Variants in EPHA5 observed in about 807,000 individuals in gnomAD.
EPHA5 encodes the protein ephrin type-A receptor 5.
A neutral mutation model predicts 105.0 loss-of-function variants in EPHA5; 60 were observed. The ratio of observed to expected loss-of-function variants is 0.57; its 90% CI spans 0.46 to 0.71. EPHA5 has a LOEUF of 0.71. Among genes scored for constraint, EPHA5 ranks in the 30% least tolerant of loss-of-function variants. EPHA5 has a pLI of 0.00. For synonymous variants in EPHA5, 513 were observed against 449.1 expected, an observed-to-expected ratio of 1.14 and a Z score of -1.80; for missense variants, 1,218 against 1,274.7, an observed-to-expected ratio of 0.96 and a Z score of 0.68.
intron 3 of EPHA5, among the ~76,000 whole-genome samples, chr4:65,527,269 G>A (rs1000101781): frequency 1.3e-5 from 2 of 152,024 alleles, no homozygotes; most frequent in Non-Finnish European, 2.9e-5. Flanking sequence ...ATACTACATT[G>A]CAATGAAATT....
intron 5 of EPHA5, among the ~76,000 whole-genome samples, chr4:65,466,419 CCTGTAGGACTATGTCTCCCATT>C (rs1328939052): frequency 6.6e-6 from 1 of 152,166 alleles, no homozygotes; most frequent in East Asian, 1.9e-4. Context: ...AGTTCCAGAA[CCTGTAGGACTATGTCTCCCATT>C]CTGAGTAAGA....
At position 65,463,428 on chromosome 4, in the gene EPHA5, G is replaced by T. The variant is rs1041848271; in HGVS notation, c.1402+26949C>A. On this transcript the variant is annotated intron_variant, in intron 5 of 16. Transcript: ENST00000613740. Reference sequence around the variant, plus strand: ...GTTCCAGTCATGTGTTTTAGAAAATGATTCTACAAAAGTTATGAGAAAGAT... The same window carrying T: ...GTTCCAGTCATGTGTTTTAGAAAATTATTCTACAAAAGTTATGAGAAAGAT... 2.0e-5 allele frequency among the ~76,000 whole-genome samples: 3 copies of T among 152,102 alleles called. No individual in the cohort carries two copies. In the East Asian group the frequency reaches 5.8e-4, roughly 29 times the overall value.
At chr4:65,632,611 A>G (rs979132759) in intron 2 of EPHA5, among the ~76,000 whole-genome samples, 3 of 151,694 alleles carry the variant, frequency 2.0e-5, no homozygotes, top group Non-Finnish European at 2.9e-5. Flanking sequence ...ATACCTGATT[A>G]TCAATCAGTA....
At chr4:65,461,464 A>G (rs1560562148) in intron 5 of EPHA5, among the ~76,000 whole-genome samples, 1 of 152,178 alleles carries the variant, frequency 6.6e-6, no homozygotes, top group East Asian at 1.9e-4. Context: ...CATATTTTCG[A>G]TATACAAATT....
intron 5 of EPHA5, among the ~76,000 whole-genome samples, chr4:65,488,222 A>ACATCAT (rs1731066070): frequency 1.3e-5 from 2 of 152,204 alleles, no homozygotes; most frequent in African/African-American, 4.8e-5. Flanking sequence ...AAAGACAACT[A>ACATCAT]TAGCAAATAT....
intron 3 of EPHA5, among the ~76,000 whole-genome samples, chr4:65,558,698 C>G (rs1293374447): frequency 1.3e-5 from 2 of 152,044 alleles, no homozygotes; most frequent in African/African-American, 2.4e-5. Context: ...CTCCTCCCCG[C>G]ACCCCACAAC....
intron 7 of EPHA5, among the ~76,000 whole-genome samples, chr4:65,407,875 C>A (rs1225648824): frequency 2.0e-5 from 3 of 151,938 alleles, no homozygotes; most frequent in Non-Finnish European, 2.9e-5. Context: ...CCCACCTCAA[C>A]CTTCCGAGTA....
intron 3 of EPHA5, among the ~76,000 whole-genome samples, chr4:65,546,007 A>G (rs1737335554): frequency 6.6e-6 from 1 of 151,992 alleles, no homozygotes; most frequent in African/African-American, 2.4e-5. Context: ...GGTCTCCATC[A>G]CAACTACTCG....
At chr4:65,375,121 T>C (rs1197745775) in intron 8 of EPHA5, among the ~76,000 whole-genome samples, 1 of 151,880 alleles carries the variant, frequency 6.6e-6, no homozygotes, top group Non-Finnish European at 1.5e-5. Flanking sequence ...TGGAGAACTT[T>C]TTTATTGTTT....
intron 8 of EPHA5, among the ~76,000 whole-genome samples, chr4:65,368,683 C>T (rs567249311): frequency 2.6e-5 from 4 of 152,238 alleles, no homozygotes; most frequent in African/African-American, 7.2e-5. Context: ...ATATAAGATG[C>T]TTTTCTATTG....
intron 5 of EPHA5, among the ~76,000 whole-genome samples, chr4:65,476,154 G>GTGTGTGTGTT (rs1729795659): frequency 6.6e-6 from 1 of 151,934 alleles, no homozygotes; most frequent in African/African-American, 2.4e-5. Context: ...GTGTGTGTGT[G>GTGTGTGTGTT]TGTGTTAAAA....
At position 65,520,216 on chromosome 4, in the gene EPHA5, T is replaced by A. The variant is rs184249410; in HGVS notation, c.911-24673A>T. 2.6e-3 allele frequency among the ~76,000 whole-genome samples: 391 copies of A among 152,108 alleles called. 1 individual carries two copies. Among genetic ancestry groups the A allele is most frequent in the African/African-American group, 9.1e-3 (377 of 41,500 alleles). ...TGGAACAAAACAGAGCCCTCAGAAA[T>A]AATACCACACATCTACAACCATCTG... On this transcript the variant is annotated intron_variant, in intron 3 of 16. Coordinates refer to ENST00000613740, the MANE Select transcript of EPHA5 (RefSeq NM_001281766.3).
chr4:65,505,501 G>T (rs559132325), intron 3 of EPHA5, among the ~76,000 whole-genome samples: 1 of 152,094 alleles, frequency 6.6e-6, no homozygotes, highest in African/African-American at 2.4e-5. Context: ...TAAATTAAAT[G>T]ACTTTTAAAT....
At chr4:65,545,568 T>A (rs1737292718) in intron 3 of EPHA5, among the ~76,000 whole-genome samples, 1 of 151,760 alleles carries the variant, frequency 6.6e-6, no homozygotes, top group Non-Finnish European at 1.5e-5. Flanking sequence ...ACTAGTACAA[T>A]GAATTGACAT....
intron 11 of EPHA5, among the ~76,000 whole-genome samples, chr4:65,360,108 T>G (rs1717131065): frequency 6.6e-6 from 1 of 151,634 alleles, no homozygotes; most frequent in Non-Finnish European, 1.5e-5. Flanking sequence ...TTTAATTTGT[T>G]CAAGCCTTAT....
At position 65,365,688 on chromosome 4, in the gene EPHA5, TA is replaced by T. The variant is rs1553901012; in HGVS notation, c.1987+243del. 1.4e-3 allele frequency among the ~76,000 whole-genome samples: 154 copies of T among 109,750 alleles called. 11 individuals carry two copies. The highest frequency in any genetic ancestry group is 3.5e-3 in the South Asian group (12 of 3,452). The allele number at this position is 109,750 out of a possible 152,430, so 72.0% of individuals were successfully genotyped here. A position where few individuals can be genotyped will look rare whatever the true frequency, so the allele number is the denominator to read the frequency against. ...ATATATATATATATATATATATATA[TA>T]GTGAAACATTATCTATTTAAAATAT... is the stretch of plus-strand genomic sequence containing the variant. On this transcript the variant is annotated intron_variant, in intron 10 of 16. Coordinates refer to ENST00000613740, the MANE Select transcript of EPHA5 (RefSeq NM_001281766.3).
intron 3 of EPHA5, chr4:65,573,798 A>G: frequency 6.2e-7 from 1 of 1,613,720 alleles, no homozygotes; most frequent in African/African-American, 1.3e-5. Flanking sequence ...CAAAATGCCT[A>G]GATATTATCC....
intron 5 of EPHA5, among the ~76,000 whole-genome samples, chr4:65,486,136 T>G (rs1416211076): frequency 1.3e-5 from 2 of 152,158 alleles, no homozygotes. Flanking sequence ...ATTTTTATAA[T>G]AAGAAAACCT....
intron 1 of EPHA5, among the ~76,000 whole-genome samples, chr4:65,644,986 T>TTTAA (rs1472538622): frequency 2.0e-5 from 3 of 152,102 alleles, no homozygotes; most frequent in Non-Finnish European, 2.9e-5. Context: ...TTTTAAGGAA[T>TTTAA]AATAATTAAT....
Sources: allele counts gnomAD v4.1 joint callset (sites outside exome capture counted in the v4.1 genomes callset), GRCh38; gene constraint gnomAD v4.1.1; transcripts MANE v1.5; gene names NCBI Gene and HGNC (gene_info 2026-07-23, HGNC 2026-07-21).